Variants in MYH14 observed in about 807,000 individuals in gnomAD.
MYH14 encodes myosin heavy chain 14, also known as myosin-14.
A neutral mutation model predicts 255.5 loss-of-function variants in MYH14; 123 were observed. That is an observed-to-expected ratio of 0.48 (90% CI 0.42 to 0.56). MYH14 has a LOEUF of 0.56. Among genes scored for constraint, MYH14 ranks in the 20% least tolerant of loss-of-function variants. The pLI, the probability that MYH14 is intolerant of heterozygous loss-of-function variation, is 0.00. For synonymous variants in MYH14, 1,095 were observed against 1,161.2 expected (o/e 0.94, Z 1.16); for missense variants, 2,423 against 2,802.3 (o/e 0.86, Z 3.06).
chr19:50,231,072 G>C (rs1330035288), intron 9 of MYH14: 1 of 189,508 alleles, frequency 5.3e-6, no homozygotes, highest in Non-Finnish European at 1.1e-5. Flanking sequence ...GGCTCTTGCC[G>C]GAGTCCTCCT....
Position 50,293,767 on chromosome 19 carries a change from A to C in MYH14, c.5469+80A>C. On this transcript the variant is annotated intron_variant, in intron 39 of 42. Coordinates refer to ENST00000642316, the MANE Select transcript of MYH14 (RefSeq NM_001145809.2). This position sits in a 1 kb window ranked among gnomAD's most constrained non-coding sequence, Gnocchi z 4.1. The stretch of plus-strand genomic sequence containing the variant: ...AACCTTCAGTCCTCTTATTCAACAA[A>C]TATAGAAAGGGGATATTTGAGTTGG... 3 of 1,424,926 alleles carry C rather than the reference A, an allele frequency of 2.1e-6. No individual in the cohort carries two copies. The highest frequency in any genetic ancestry group is 2.8e-6 in the Non-Finnish European group (3 of 1,063,884). 88.3% of individuals were successfully genotyped at this position (1,424,926 alleles called of 1,614,324 possible).
intron 10 of MYH14, among the ~76,000 whole-genome samples, chr19:50,242,083 T>G (rs2033914798): frequency 6.6e-6 from 1 of 152,194 alleles, no homozygotes; most frequent in African/African-American, 2.4e-5. Flanking sequence ...GGGCCATTTT[T>G]CAGAAGCCAT....
Position 50,272,594 on chromosome 19 carries a change from G to T in MYH14, c.3330G>T (p.Glu1110Asp). ...GGAAGGAGGAGAAGGGTCGCCAGGA[G>T]CTGGAGAAGCTGAAGCGGAGGCTGG... is the stretch of plus-strand genomic sequence containing the variant. ...RLRKEEKGRQ[E>D]LEKLKRRLDG... Residue 1110 changes from glutamate to aspartate, a missense_variant, in exon 27 of 43, where the codon GAG (glutamate) becomes GAT (aspartate). Coordinates refer to ENST00000642316, the MANE Select transcript of MYH14 (RefSeq NM_001145809.2). The T allele has an allele frequency of 6.3e-7, 1 of 1,580,956 alleles. No homozygotes were observed. Among genetic ancestry groups the T allele is most frequent in the Non-Finnish European group, 8.6e-7 (1 of 1,164,404 alleles).
intron 13 of MYH14, 42 bp downstream of exon 13, chr19:50,249,181 C>A: frequency 6.5e-7 from 1 of 1,527,762 alleles, no homozygotes; most frequent in Middle Eastern, 1.7e-4. Context: ...CTTCCTCACT[C>A]CGGTCCTGGT....
intron 8 of MYH14, among the ~76,000 whole-genome samples, chr19:50,228,361 C>G (rs534842149): frequency 3.5e-4 from 53 of 152,042 alleles, no homozygotes; most frequent in African/African-American, 1.3e-3. Flanking sequence ...TTGATAATTA[C>G]TAATCAATAA....
rs1466559533 is a variant in MYH14 at position 50,309,836 on chromosome 19, T to A, written c.*46T>A. 2.2e-6 allele frequency: 3 copies of A among 1,335,764 alleles called. No homozygotes were observed. The African/African-American group carries it at 5.1e-5, about 23-fold the overall frequency. The allele number at this position is 1,335,764 out of a possible 1,614,324, so 82.7% of individuals were successfully genotyped here. A position where few individuals can be genotyped will look rare whatever the true frequency, so the allele number is the denominator to read the frequency against. On this transcript the variant is annotated 3_prime_UTR_variant, in exon 43 of 43. Transcript: ENST00000642316. Reference sequence around the variant, plus strand: ...CACTAACAGATGGGGCCCAGCCCCCTTCCTCCCTGGACCCCACGGGCCCCT... The same window carrying A: ...CACTAACAGATGGGGCCCAGCCCCCATCCTCCCTGGACCCCACGGGCCCCT...
intron 18 of MYH14, 21 bp from the exon 19 acceptor site, chr19:50,259,123 G>A (rs911569513): frequency 6.5e-7 from 1 of 1,542,174 alleles, no homozygotes; most frequent in South Asian, 1.2e-5. Context: ...TGACCCCCGC[G>A]TGTCCGTCCG....
At chr19:50,269,261 C>T (rs139775390) in intron 24 of MYH14, among the ~76,000 whole-genome samples, 4,556 of 152,294 alleles carry the variant, frequency 0.03, 124 homozygotes, top group Admixed American at 0.075. Context: ...ACTGCAACCT[C>T]CGTCTCCCGG....
chr19:50,240,601 T>C (rs995450759), intron 10 of MYH14, among the ~76,000 whole-genome samples: 6 of 151,152 alleles, frequency 4.0e-5, no homozygotes, highest in African/African-American at 9.8e-5. Context: ...AAAAAATCTA[T>C]GCTAAAATGA....
At chr19:50,240,038 T>G (rs1371492216) in intron 10 of MYH14, among the ~76,000 whole-genome samples, 3 of 152,188 alleles carry the variant, frequency 2.0e-5, no homozygotes, top group Admixed American at 6.5e-5. Flanking sequence ...TTCCGACTTC[T>G]AAGAGCATGG....
Position 50,230,718 on chromosome 19 carries a change from C to T in MYH14, c.973+95C>T. ...CTGGGGAGGAAGCAAGAGTGGGGGGCTCTAATATCCGTCAAACACCGACTT... is the reference window on the plus strand; with the variant it reads ...CTGGGGAGGAAGCAAGAGTGGGGGGTTCTAATATCCGTCAAACACCGACTT... On this transcript the variant is annotated intron_variant, in intron 9 of 42. Coordinates refer to ENST00000642316, the MANE Select transcript of MYH14 (RefSeq NM_001145809.2). This position sits in a 1 kb window ranked among gnomAD's most constrained non-coding sequence, Gnocchi z 4.7. 1 of 1,025,110 alleles carries T rather than the reference C, an allele frequency of 9.8e-7. No homozygotes were observed. Among genetic ancestry groups the T allele is most frequent in the Non-Finnish European group, 1.4e-6 (1 of 690,238 alleles). 63.5% of individuals were successfully genotyped at this position (1,025,110 alleles called of 1,614,324 possible). A position where few individuals can be genotyped will look rare whatever the true frequency, so the allele number is the denominator to read the frequency against.
At position 50,310,307 on chromosome 19, in the gene MYH14, C is replaced by A. The variant is rs947914355; in HGVS notation, c.*517C>A. The A allele has an allele frequency of 5.7e-6, 1 of 174,196 alleles. No homozygotes were observed. The highest frequency in any genetic ancestry group is 2.4e-5 in the African/African-American group (1 of 41,554). The allele number at this position is 174,196 out of a possible 1,614,324, so 10.8% of individuals were successfully genotyped here. A position where few individuals can be genotyped will look rare whatever the true frequency, so the allele number is the denominator to read the frequency against. On this transcript the variant is annotated 3_prime_UTR_variant, in exon 43 of 43. Coordinates refer to ENST00000642316, the MANE Select transcript of MYH14 (RefSeq NM_001145809.2). ...CTCTACGTAGCCACTCTCCTTCCCCCATTTCTGCGTCCACCCCTGAACTCC... is the reference window on the plus strand; with the variant it reads ...CTCTACGTAGCCACTCTCCTTCCCCAATTTCTGCGTCCACCCCTGAACTCC...
intron 8 of MYH14, 86 bp downstream of exon 8, chr19:50,227,052 G>A: frequency 7.3e-7 from 1 of 1,364,844 alleles, no homozygotes; most frequent in Non-Finnish European, 1.0e-6. Context: ...TCCCACTGCA[G>A]GGACCCCTTA....
chr19:50,294,767 C>T (rs2036206131), intron 39 of MYH14, among the ~76,000 whole-genome samples: 1 of 151,464 alleles, frequency 6.6e-6, no homozygotes, highest in East Asian at 1.9e-4. Flanking sequence ...ATATGCTCAA[C>T]AGTTATGTGT....
In MYH14 at chr19:50,221,917, T is replaced by G. The variant is rs563515233; in HGVS notation, c.563-1166T>G. On this transcript the variant is annotated intron_variant, in intron 3 of 42. Coordinates refer to ENST00000642316, the MANE Select transcript of MYH14 (RefSeq NM_001145809.2). This position sits in a 1 kb window ranked among gnomAD's most constrained non-coding sequence, Gnocchi z 5.3. Reference sequence around the variant, plus strand: ...CCTCTGCCTGAAATGCCACCTCCACTGAGAAGCCTTCCCTGCTCCTTCCCC... The same window carrying G: ...CCTCTGCCTGAAATGCCACCTCCACGGAGAAGCCTTCCCTGCTCCTTCCCC... Among the ~76,000 whole-genome samples, 1 of 152,278 alleles carries G rather than the reference T, an allele frequency of 6.6e-6. No individual in the cohort carries two copies. The highest frequency in any genetic ancestry group is 6.5e-5 in the Admixed American group (1 of 15,280).
At chr19:50,209,781 C>G (rs1186068331) in intron 1 of MYH14, among the ~76,000 whole-genome samples, 10 of 115,192 alleles carry the variant, frequency 8.7e-5, no homozygotes, top group Non-Finnish European at 1.5e-4. Context: ...GAGACTCCAT[C>G]TCAAAAAAAA....
Position 50,250,164 on chromosome 19 carries a change from G to A in MYH14, c.1656+341G>A, listed in dbSNP as rs192586783. 9.5e-4 allele frequency among the ~76,000 whole-genome samples: 144 copies of A among 152,276 alleles called. No individual in the cohort carries two copies. Among genetic ancestry groups the A allele is most frequent in the African/African-American group, 3.2e-3 (133 of 41,554 alleles). ...CGCCCAGGCTGGAGTGCAGCGGCGC[G>A]ATCTCTGCTTACTGCAAGCTTCGCC... On this transcript the variant is annotated intron_variant, in intron 14 of 42. Coordinates refer to ENST00000642316, the MANE Select transcript of MYH14 (RefSeq NM_001145809.2). The surrounding 1 kb of genome is among the most constrained non-coding windows in gnomAD (Gnocchi z 5.4).
rs11334892 is a variant in MYH14 at position 50,207,052 on chromosome 19, GAAA to G, written c.-3-3288_-3-3286del. On this transcript the variant is annotated intron_variant, in intron 1 of 42. Transcript: ENST00000642316. ...ACATAGGGAGACCCTGTTTCTACCAGAAAAAAAAAAAAAAAAAAAAAAAAAGGC... is the reference window on the plus strand; with the variant it reads ...ACATAGGGAGACCCTGTTTCTACCAGAAAAAAAAAAAAAAAAAAAAAAGGC... Among the ~76,000 whole-genome samples the G allele has an allele frequency of 0.02, 778 of 38,592 alleles. 25 individuals are homozygous for G. In the East Asian group the frequency reaches 0.26, roughly 13 times the overall value. 25.3% of individuals were successfully genotyped at this position (38,592 alleles called of 152,430 possible).
chr19:50,269,852 G>A (rs536730754), intron 24 of MYH14, among the ~76,000 whole-genome samples: 222 of 152,290 alleles, frequency 1.5e-3, no homozygotes, highest in Middle Eastern at 6.8e-3. Context: ...CCTTATCTAT[G>A]GGAGCAGAGG....
Sources: gnomAD v4.1 joint callset for allele counts (sites outside exome capture counted in the v4.1 genomes callset) on GRCh38, gnomAD v4.1.1 for gene constraint, Gnocchi (gnomAD v3.1) non-coding constraint, MANE v1.5 for transcripts, NCBI Gene and HGNC (gene_info 2026-07-23, HGNC 2026-07-21) for gene names.